The following KCNQ3 variants were observed in gnomAD, a reference collection of about 807,000 sequenced individuals.
The protein encoded by KCNQ3 is potassium voltage-gated channel subfamily KQT member 3.
Under a neutral mutation model 92.5 loss-of-function variants are expected in KCNQ3, and 30 were observed. The ratio of observed to expected loss-of-function variants is 0.32; its 90% CI spans 0.24 to 0.44. The LOEUF is 0.44. Among genes scored for constraint, KCNQ3 ranks in the 20% least tolerant of loss-of-function variants. The pLI, the probability that KCNQ3 is intolerant of heterozygous loss-of-function variation, is 1.00. For missense variants in KCNQ3, 913 were observed against 1,140.3 expected (o/e 0.80, Z 2.87); for synonymous variants, 450 against 468.8 (o/e 0.96, Z 0.52).
At chr8:132,405,272 C>T (rs138811411) in intron 1 of KCNQ3, among the ~76,000 whole-genome samples, 1 of 152,308 alleles carries the variant, frequency 6.6e-6, no homozygotes, top group East Asian at 1.9e-4. Context: ...AGCCCTCATG[C>T]TGCAAGGGCG....
chr8:132,338,483 T>C, intron 1 of KCNQ3, among the ~76,000 whole-genome samples: 1 of 152,318 alleles, frequency 6.6e-6, no homozygotes, highest in Non-Finnish European at 1.5e-5. Context: ...GGATAAGTAA[T>C]TATTACTATA....
chr8:132,432,707 C>T (rs753485213), intron 1 of KCNQ3, among the ~76,000 whole-genome samples: 4 of 152,190 alleles, frequency 2.6e-5, no homozygotes, highest in Non-Finnish European at 4.4e-5. Context: ...CTTCTTCCCC[C>T]TCACATCCTA....
At position 132,134,340 on chromosome 8, in the gene KCNQ3, C is replaced by T; in HGVS notation, c.1749G>A (p.Lys583=). 1 of 1,614,002 alleles carries T rather than the reference C, an allele frequency of 6.2e-7. No individual in the cohort carries two copies. The change falls in exon 13 of 15, where the codon AAG becomes AAA. Residue 583 remains lysine, a synonymous_variant. Coordinates refer to ENST00000388996, the MANE Select transcript of KCNQ3 (RefSeq NM_004519.4). ...TPGPPSTPKH[K]KSQKGSAFTF... is the part of the protein sequence containing the mutation. Reference sequence around the variant, plus strand: ...TGAATGCTGACCCTTTCTGAGACTTCTTGTGTTTTGGCGTGGAGGGAGGTC... The same window carrying T: ...TGAATGCTGACCCTTTCTGAGACTTTTTGTGTTTTGGCGTGGAGGGAGGTC...
intron 1 of KCNQ3, among the ~76,000 whole-genome samples, chr8:132,380,527 T>C (rs1459952716): frequency 6.6e-6 from 1 of 152,020 alleles, no homozygotes; most frequent in East Asian, 1.9e-4. Flanking sequence ...GCTGCCCACT[T>C]CCAGAAAGGG....
intron 1 of KCNQ3, among the ~76,000 whole-genome samples, chr8:132,370,911 G>A (rs1819456267): frequency 6.6e-6 from 1 of 152,092 alleles, no homozygotes; most frequent in Non-Finnish European, 1.5e-5. Flanking sequence ...TACAGATCAG[G>A]AAACTGAGGC....
chr8:132,277,848 C>G (rs907409185), intron 1 of KCNQ3: 2 of 683,346 alleles, frequency 2.9e-6, no homozygotes, highest in Non-Finnish European at 3.6e-6. Context: ...TCTCTAGAAA[C>G]CAGGTTGTTG....
chr8:132,468,449 C>A (rs1207151150), intron 1 of KCNQ3, among the ~76,000 whole-genome samples: 1 of 152,186 alleles, frequency 6.6e-6, no homozygotes, highest in Non-Finnish European at 1.5e-5. Flanking sequence ...TTACAAAGAA[C>A]CTAAGGGGTC....
In KCNQ3 at chr8:132,168,715, ATATGTGTGTGTGTGTGTG is replaced by A. The variant is rs1480898008; in HGVS notation, c.1235+1601_1235+1618del. 4.2e-3 allele frequency among the ~76,000 whole-genome samples: 567 copies of A among 134,514 alleles called. 4 individuals are homozygous for A. The highest frequency in any genetic ancestry group is 0.02 in the Middle Eastern group (5 of 256). The allele number at this position is 134,514 out of a possible 152,430, so 88.2% of individuals were successfully genotyped here. On this transcript the variant is annotated intron_variant, in intron 8 of 14. Coordinates refer to ENST00000388996, the MANE Select transcript of KCNQ3 (RefSeq NM_004519.4). The stretch of plus-strand genomic sequence containing the variant: ...TAGAAAGAGAAATTGAGGATAATGA[ATATGTGTGTGTGTGTGTG>A]TGTGTGTGTGTGTGTGTGTGTGTGT...
intron 1 of KCNQ3, among the ~76,000 whole-genome samples, chr8:132,249,926 A>G (rs1815343109): frequency 6.6e-6 from 1 of 152,176 alleles, no homozygotes; most frequent in African/African-American, 2.4e-5. Flanking sequence ...GCCTGGGGCC[A>G]GCGGCACCGG....
At chr8:132,150,822 G>A (rs1004071501) in intron 9 of KCNQ3, among the ~76,000 whole-genome samples, 9 of 152,056 alleles carry the variant, frequency 5.9e-5, no homozygotes, top group Admixed American at 5.9e-4. Context: ...TGTCTGTGTA[G>A]TTATATATGT....
At chr8:132,196,022 C>T (rs2130239545) in intron 1 of KCNQ3, among the ~76,000 whole-genome samples, 1 of 152,248 alleles carries the variant, frequency 6.6e-6, no homozygotes, top group East Asian at 1.9e-4. Flanking sequence ...CTCCAGATAC[C>T]TAATAGATCT....
chr8:132,280,377 C>G (rs558973480), intron 1 of KCNQ3, among the ~76,000 whole-genome samples: 4 of 152,132 alleles, frequency 2.6e-5, no homozygotes, highest in African/African-American at 9.7e-5. Flanking sequence ...CCTTAGGGAG[C>G]TTTTACTCAC....
intron 1 of KCNQ3, among the ~76,000 whole-genome samples, chr8:132,246,119 CA>C (rs1179482403): frequency 2.6e-5 from 4 of 152,132 alleles, no homozygotes; most frequent in Non-Finnish European, 5.9e-5. Context: ...GGGGCATGGC[CA>C]GGGGCCCTCA....
chr8:132,325,805 C>A (rs1818031131), intron 1 of KCNQ3, among the ~76,000 whole-genome samples: 1 of 152,210 alleles, frequency 6.6e-6, no homozygotes, highest in African/African-American at 2.4e-5. Context: ...AGACATCCAG[C>A]TTCTGCTCCA....
intron 1 of KCNQ3, among the ~76,000 whole-genome samples, chr8:132,190,761 G>A (rs1326259702): frequency 6.6e-6 from 1 of 152,176 alleles, no homozygotes; most frequent in African/African-American, 2.4e-5. Flanking sequence ...TATGTTGTAA[G>A]CCACTAAGTT....
intron 1 of KCNQ3, among the ~76,000 whole-genome samples, chr8:132,422,395 G>A (rs373752585): frequency 3.7e-4 from 57 of 152,240 alleles, no homozygotes; most frequent in Middle Eastern, 3.4e-3. Context: ...ACTCAGCAGA[G>A]CCGCCAGAGG....
intron 1 of KCNQ3, among the ~76,000 whole-genome samples, chr8:132,304,921 G>T (rs1456079383): frequency 6.6e-6 from 1 of 152,140 alleles, no homozygotes; most frequent in Non-Finnish European, 1.5e-5. Context: ...TATCGATTGG[G>T]AAATGAGGCA....
At chr8:132,154,889 T>C (rs1232028981) in intron 9 of KCNQ3, among the ~76,000 whole-genome samples, 1 of 152,208 alleles carries the variant, frequency 6.6e-6, no homozygotes, top group Non-Finnish European at 1.5e-5. Flanking sequence ...AATCAGGTGA[T>C]TGGAGAAAAG....
intron 7 of KCNQ3, among the ~76,000 whole-genome samples, 161 bp downstream of exon 7, chr8:132,172,433 CACAG>C (rs1016819364): frequency 9.3e-5 from 14 of 150,808 alleles, no homozygotes; most frequent in African/African-American, 2.9e-4. Context: ...CACACACACA[CACAG>C]ACACACAAGA....
Sources: allele counts gnomAD v4.1 joint callset (sites outside exome capture counted in the v4.1 genomes callset), GRCh38; gene constraint gnomAD v4.1.1; transcripts MANE v1.5; gene names NCBI Gene and HGNC (gene_info 2026-07-23, HGNC 2026-07-21).